Variants in ORC1 observed in about 807,000 individuals in gnomAD.
ORC1 encodes the protein origin recognition complex, subunit 1 homolog.
Under a neutral mutation model 98.9 loss-of-function variants are expected in ORC1, and 61 were observed. The observed-to-expected ratio is 0.62, with a 90% CI of 0.50 to 0.76. The LOEUF (loss-of-function observed/expected upper bound fraction) is 0.76, where lower values mean the gene tolerates loss of function less well. Ranked by LOEUF, ORC1 falls within the 30% of genes least tolerant of loss-of-function variation. ORC1 has a pLI of 0.00. For missense variants in ORC1, 979 were observed against 1,072.2 expected (o/e 0.91, Z 1.21); for synonymous variants, 385 against 406.9 (o/e 0.95, Z 0.65).
At chr1:52,391,943 GA>G (rs1416049990) in intron 6 of ORC1, among the ~76,000 whole-genome samples, 1 of 150,808 alleles carries the variant, frequency 6.6e-6, no homozygotes, top group African/African-American at 2.4e-5. Flanking sequence ...CAAAGGACAT[GA>G]ATAGACAATT....
At chr1:52,405,727 G>A, upstream of ORC1, 1 of 1,613,978 alleles carries the variant, frequency 6.2e-7, no homozygotes. Context: ...TGTGGGTGGC[G>A]TCTATGGTGG....
upstream of ORC1, chr1:52,405,641 T>TA (rs1647963759): frequency 9.3e-6 from 15 of 1,604,604 alleles, no homozygotes; most frequent in Non-Finnish European, 1.3e-5. Context: ...TAGGAAGAGC[T>TA]TAGCCCTAAT....
At chr1:52,375,656 T>C (rs1646987044) in intron 14 of ORC1, 57 bp from the exon 15 acceptor site, 11 of 1,519,994 alleles carry the variant, frequency 7.2e-6, no homozygotes, top group South Asian at 6.7e-5. Flanking sequence ...AACCAAGAGA[T>C]TCTTGGTAGT....
rs748874894 is a variant in ORC1 at position 52,383,585 on chromosome 1, A to G, written c.1864-16T>C. On this transcript the variant is annotated splice_polypyrimidine_tract_variant and intron_variant, in intron 12 of 16. Transcript: ENST00000371568. ...GAAGGTCGAGCTGCCAGGGCAAAGG[A>G]GAGAGGTGCAGAGTCAATCACAGAG... 2.6e-5 allele frequency: 42 copies of G among 1,613,798 alleles called. No homozygotes were observed. The highest frequency in any genetic ancestry group is 3.1e-5 in the Non-Finnish European group (37 of 1,179,930).
chr1:52,406,852 T>C (rs1648011333), upstream of ORC1, among the ~76,000 whole-genome samples: 1 of 152,190 alleles, frequency 6.6e-6, no homozygotes, highest in African/African-American at 2.4e-5. Context: ...GATTAATTAA[T>C]TTTGCCCAAG....
intron 11 of ORC1, 67 bp from the exon 12 acceptor site, chr1:52,384,004 T>A: frequency 3.0e-6 from 4 of 1,317,896 alleles, no homozygotes; most frequent in Non-Finnish European, 4.4e-6. Flanking sequence ...TAAAGTTAAA[T>A]CTGCAAATGG....
Position 52,388,430 on chromosome 1 carries a change from G to C in ORC1, c.1383+12C>G. 1 of 1,609,962 alleles carries C rather than the reference G, an allele frequency of 6.2e-7. No individual in the cohort carries two copies. The highest frequency in any genetic ancestry group is 1.3e-5 in the African/African-American group (1 of 74,960). ...GATGCTTCAATGGGAAGTAAACCTA[G>C]AAGAACCTTACACTCTTCTTTGGCA... On this transcript the variant is annotated intron_variant, in intron 8 of 16. Coordinates refer to ENST00000371568, the MANE Select transcript of ORC1 (RefSeq NM_004153.4).
chr1:52,408,477 C>G, upstream of ORC1: 1 of 1,542,198 alleles, frequency 6.5e-7, no homozygotes, highest in Non-Finnish European at 9.0e-7. Context: ...AAGAGAAGAA[C>G]ATGTTTATCC....
chr1:52,406,267 C>T (rs1399154647), upstream of ORC1, among the ~76,000 whole-genome samples: 1 of 152,162 alleles, frequency 6.6e-6, no homozygotes, highest in Non-Finnish European at 1.5e-5. Context: ...GCTGGGATTA[C>T]AGGCATGAGC....
chr1:52,405,798 G>C (rs763569967), upstream of ORC1: 1 of 1,614,136 alleles, frequency 6.2e-7, no homozygotes, highest in South Asian at 1.1e-5. Context: ...TTCAACCCGA[G>C]AAGGATATCA....
chr1:52,384,596 C>T lies in ORC1; in HGVS notation c.1709G>A (p.Gly570Asp), dbSNP rs990235901. Reference sequence around the variant, plus strand: ...TTGGTGGGGCTCCGTCAGCTTCATGCCATTGACCTCAATGTATTGAAAGGG... The same window carrying T: ...TTGGTGGGGCTCCGTCAGCTTCATGTCATTGACCTCAATGTATTGAAAGGG... ...VPPFQYIEVN[G>D]MKLTEPHQVY... The change falls in exon 11 of 17, where the codon GGC becomes GAC. Residue 570 changes from glycine (G) to aspartate (D), a missense_variant. Gly to Asp is a moderately conservative substitution (Grantham distance 94). Coordinates refer to ENST00000371568, the MANE Select transcript of ORC1 (RefSeq NM_004153.4). 6.2e-7 allele frequency: 1 copy of T among 1,614,008 alleles called. No individual in the cohort carries two copies. Among genetic ancestry groups the T allele is most frequent in the Non-Finnish European group, 8.5e-7 (1 of 1,180,004 alleles).
At chr1:52,384,746 G>T in intron 10 of ORC1, 25 bp from the exon 11 acceptor site, 1 of 1,604,456 alleles carries the variant, frequency 6.2e-7, no homozygotes. Context: ...GAAAACCCGT[G>T]GGGTAGGTCT....
At chr1:52,400,991 A>G (rs1274061362) in intron 3 of ORC1, among the ~76,000 whole-genome samples, 1 of 152,182 alleles carries the variant, frequency 6.6e-6, no homozygotes, top group African/African-American at 2.4e-5. Context: ...CTTGCAAAAT[A>G]TATTACTAAC....
chr1:52,393,867 C>A (rs1647286326), intron 5 of ORC1, 64 bp from the exon 6 acceptor site: 22 of 1,558,298 alleles, frequency 1.4e-5, no homozygotes, highest in Non-Finnish European at 1.8e-5. Context: ...ACAATCTCAT[C>A]ACAGCCAAAT....
chr1:52,378,312 T>A (rs1647020394), intron 14 of ORC1, among the ~76,000 whole-genome samples: 1 of 148,358 alleles, frequency 6.7e-6, no homozygotes. Context: ...GCCACTGCAC[T>A]CCAGCCTGGG....
intron 3 of ORC1, among the ~76,000 whole-genome samples, chr1:52,398,507 G>A (rs1479739993): frequency 6.6e-6 from 1 of 151,918 alleles, no homozygotes; most frequent in African/African-American, 2.4e-5. Flanking sequence ...CAAGTGATCC[G>A]CCCGCCTTGG....
In ORC1 at chr1:52,393,578, A is replaced by T. The variant is rs148708406; in HGVS notation, c.947T>A (p.Ile316Lys). Residue 316 changes from isoleucine to lysine, a missense_variant, in exon 6 of 17, where the codon ATA (isoleucine) becomes AAA (lysine). Coordinates refer to ENST00000371568, the MANE Select transcript of ORC1 (RefSeq NM_004153.4). ...DDKKASPEHR[I>K]ILRTRIAASK... ...AGCTGCAATTCGGGTTCTCAGGATT[A>T]TGCGATGTTCAGGTGAAGCCTTCTT... The T allele has an allele frequency of 8.5e-5, 137 of 1,614,048 alleles. No homozygotes were observed. The highest frequency in any genetic ancestry group is 1.0e-4 in the Non-Finnish European group (123 of 1,180,042).
At chr1:52,382,890 T>C (rs1296589665) in intron 13 of ORC1, among the ~76,000 whole-genome samples, 1 of 151,928 alleles carries the variant, frequency 6.6e-6, no homozygotes, top group Non-Finnish European at 1.5e-5. Flanking sequence ...TAAAACATTT[T>C]TTTTTTAAAT....
chr1:52,404,508 C>T (rs60527249), upstream of ORC1: 16,392 of 402,152 alleles, frequency 0.041, 2,291 homozygotes, highest in African/African-American at 0.3. Context: ...GCCCCGCCCA[C>T]TCCGTACACC....
Sources: allele counts gnomAD v4.1 joint callset (sites outside exome capture counted in the v4.1 genomes callset), GRCh38; gene constraint gnomAD v4.1.1; transcripts MANE v1.5; gene names NCBI Gene and HGNC (gene_info 2026-07-23, HGNC 2026-07-21).